SLC35F4: variants seen among roughly 807,000 people sequenced by gnomAD.
SLC35F4 encodes chromosome 14 open reading frame 36.
A neutral mutation model predicts 44.2 loss-of-function variants in SLC35F4; 24 were observed. That is an observed-to-expected ratio of 0.54 (90% confidence interval 0.39 to 0.76). SLC35F4 has a LOEUF of 0.76. Ranked by LOEUF, SLC35F4 falls within the 30% of genes least tolerant of loss-of-function variation. The pLI is 0.00. For missense variants in SLC35F4, 562 were observed against 586.1 expected (o/e 0.96, Z 0.42); for synonymous variants, 238 against 223.6 (o/e 1.06, Z -0.57).
At chr14:57,644,670 T>G (rs908743940) in intron 1 of SLC35F4, among the ~76,000 whole-genome samples, 1 of 152,220 alleles carries the variant, frequency 6.6e-6, no homozygotes, top group South Asian at 2.1e-4. Flanking sequence ...TTTGGTGTTT[T>G]AGACATGAAG....
chr14:57,835,891 T>C (rs1178679727), intron 1 of SLC35F4, among the ~76,000 whole-genome samples: 1 of 152,250 alleles, frequency 6.6e-6, no homozygotes, highest in African/African-American at 2.4e-5. Context: ...AGAATGTTCC[T>C]TTCTTTTAAT....
chr14:57,749,602 T>C (rs1594954655), intron 1 of SLC35F4, among the ~76,000 whole-genome samples: 1 of 152,142 alleles, frequency 6.6e-6, no homozygotes, highest in Non-Finnish European at 1.5e-5. Flanking sequence ...GTGTAATAAA[T>C]GTACTCTGCT....
At chr14:57,565,307 CCTCAT>C (rs971011318) in intron 7 of SLC35F4, among the ~76,000 whole-genome samples, 1 of 152,124 alleles carries the variant, frequency 6.6e-6, no homozygotes, top group African/African-American at 2.4e-5. Flanking sequence ...ACCCTTCACT[CCTCAT>C]ATCTCACTTC....
intron 1 of SLC35F4, among the ~76,000 whole-genome samples, chr14:57,938,333 A>T (rs117734730): frequency 6.6e-6 from 1 of 152,164 alleles, no homozygotes; most frequent in African/African-American, 2.4e-5. Flanking sequence ...GGGAAGAAAA[A>T]TGTTAAGAGG....
rs1017862772 is a variant in SLC35F4 at position 57,897,790 on chromosome 14, T to C, written n.282+84123A>G. 3.3e-5 allele frequency among the ~76,000 whole-genome samples: 5 copies of C among 152,190 alleles called. No homozygotes were observed. In the South Asian group the frequency reaches 1.0e-3, roughly 31 times the overall value. On this transcript the variant is annotated intron_variant and non_coding_transcript_variant, in intron 1 of 1. Coordinates refer to the SLC35F4 transcript ENST00000556568. ...GCAGTTACCCAGAGCATCACTGCCT[T>C]GCTTCTAAATGTAGCCCCCACAAAT...
At chr14:57,656,057 G>T (rs1240746076) in intron 1 of SLC35F4, among the ~76,000 whole-genome samples, 1 of 151,928 alleles carries the variant, frequency 6.6e-6, no homozygotes, top group Non-Finnish European at 1.5e-5. Context: ...TTGGGAACTT[G>T]CCCTTCCCTC....
intron 1 of SLC35F4, among the ~76,000 whole-genome samples, chr14:57,947,644 G>T (rs945416473): frequency 4.6e-5 from 7 of 152,032 alleles, no homozygotes; most frequent in Non-Finnish European, 8.8e-5. Flanking sequence ...CTCATTCGGT[G>T]TTATGTTGGC....
chr14:57,841,005 C>T (rs1188764926), intron 1 of SLC35F4, among the ~76,000 whole-genome samples: 1 of 152,182 alleles, frequency 6.6e-6, no homozygotes, highest in East Asian at 1.9e-4. Flanking sequence ...AGGGCTGACT[C>T]TTTCAGACAC....
intron 1 of SLC35F4, among the ~76,000 whole-genome samples, chr14:57,717,630 C>T (rs562570585): frequency 1.2e-3 from 176 of 152,118 alleles, no homozygotes; most frequent in African/African-American, 4.1e-3. Flanking sequence ...AGCGAGACTC[C>T]GTCTCAAAAA....
intron 1 of SLC35F4, among the ~76,000 whole-genome samples, chr14:57,640,123 G>T (rs545518930): frequency 9.9e-5 from 15 of 152,064 alleles, no homozygotes; most frequent in Non-Finnish European, 1.8e-4. Context: ...AGAGGGAAGA[G>T]AGGGTTAAAG....
At chr14:57,767,993 G>A (rs1311667661) in intron 1 of SLC35F4, among the ~76,000 whole-genome samples, 1 of 152,110 alleles carries the variant, frequency 6.6e-6, no homozygotes, top group Non-Finnish European at 1.5e-5. Context: ...TACCATTACA[G>A]AAACTGAATT....
chr14:57,603,435 G>A (rs924564795), intron 1 of SLC35F4, among the ~76,000 whole-genome samples: 3 of 152,116 alleles, frequency 2.0e-5, no homozygotes, highest in Non-Finnish European at 2.9e-5. Flanking sequence ...CATTATATAA[G>A]TCTTAATGGG....
Position 57,571,933 on chromosome 14 carries a change from T to C in SLC35F4, c.894A>G (p.Ala298=). 1.2e-6 allele frequency: 2 copies of C among 1,612,834 alleles called. No homozygotes were observed. Among genetic ancestry groups the C allele is most frequent in the South Asian group, 1.1e-5 (1 of 90,786 alleles). The change falls in exon 5 of 8, where the codon GCA becomes GCG. Residue 298 remains alanine (A), a synonymous_variant. Transcript: ENST00000556826. ...ATGTAGAGGCTGAGCCCACCGCAAA[T>C]GCCACTCCTATGATGGAATCAGCGT... ...NFHADSIIGV[A]FAVGSASTSA...
At chr14:57,877,216 ATAT>A (rs2141030333) in intron 1 of SLC35F4, among the ~76,000 whole-genome samples, 1 of 152,156 alleles carries the variant, frequency 6.6e-6, no homozygotes, top group South Asian at 2.1e-4. Context: ...GTGTCCATGT[ATAT>A]TCAGTATTTA....
intron 1 of SLC35F4, among the ~76,000 whole-genome samples, chr14:57,690,403 T>C (rs1033845600): frequency 1.3e-5 from 2 of 152,070 alleles, no homozygotes; most frequent in Admixed American, 6.5e-5. Context: ...GAAGAGAGAA[T>C]AGATAAGGAA....
At chr14:57,974,570 GA>G (rs1357916506), downstream of SLC35F4, among the ~76,000 whole-genome samples, 1 of 152,102 alleles carries the variant, frequency 6.6e-6, no homozygotes, top group Non-Finnish European at 1.5e-5. Context: ...AGATAAATGA[GA>G]AGTAAGACAT....
chr14:57,617,674 A>T (rs1220978360), intron 1 of SLC35F4, among the ~76,000 whole-genome samples: 1 of 152,178 alleles, frequency 6.6e-6, no homozygotes, highest in African/African-American at 2.4e-5. Context: ...AATAGTATGG[A>T]TAAGCAGTGT....
At chr14:57,829,843 T>A (rs144062073) in intron 1 of SLC35F4, among the ~76,000 whole-genome samples, 36 of 152,126 alleles carry the variant, frequency 2.4e-4, no homozygotes, top group African/African-American at 7.9e-4. Flanking sequence ...AAAGAAAAAA[T>A]TTGAGAATCT....
intron 1 of SLC35F4, among the ~76,000 whole-genome samples, chr14:57,892,605 G>T (rs1411258558): frequency 2.0e-5 from 3 of 152,110 alleles, no homozygotes; most frequent in South Asian, 4.1e-4. Context: ...ACCTACAATG[G>T]TTATCAATAC....
Sources: allele counts gnomAD v4.1 joint callset (sites outside exome capture counted in the v4.1 genomes callset), GRCh38; gene constraint gnomAD v4.1.1; transcripts MANE v1.5; gene names NCBI Gene and HGNC (gene_info 2026-07-23, HGNC 2026-07-21).